The following LYPLAL1 variants were observed in gnomAD, a reference collection of about 807,000 sequenced individuals.
LYPLAL1 encodes lysophospholipase-like protein 1.
Under a neutral mutation model 19.7 loss-of-function variants are expected in LYPLAL1, and 23 were observed. That is an observed-to-expected ratio of 1.17 (90% CI 0.84 to 1.65). The LOEUF (loss-of-function observed/expected upper bound fraction) is 1.65, where lower values mean the gene tolerates loss of function less well. LYPLAL1 is among the 40% of genes most tolerant of loss of function. LYPLAL1 has a pLI of 0.00. For missense variants in LYPLAL1, 355 were observed against 279.4 expected, an observed-to-expected ratio of 1.27 and a Z score of -1.93; for synonymous variants, 119 against 96.3, an observed-to-expected ratio of 1.24 and a Z score of -1.38.
the LYPLAL1 span, among the ~76,000 whole-genome samples, chr1:219,393,416 T>A: frequency 6.6e-6 from 1 of 152,134 alleles, no homozygotes. Flanking sequence ...AGATATGCCC[T>A]GCCCTTCATA....
the LYPLAL1 span, among the ~76,000 whole-genome samples, chr1:219,376,592 A>C: frequency 6.6e-6 from 1 of 152,204 alleles, no homozygotes; most frequent in Non-Finnish European, 1.5e-5. Flanking sequence ...CATAATATGT[A>C]AAGAACCCCT....
chr1:219,241,099 TCTCTC>T, the LYPLAL1 span, among the ~76,000 whole-genome samples: 82 of 56,042 alleles, frequency 1.5e-3, no homozygotes, highest in South Asian at 5.3e-3. Context: ...ATATATATAA[TCTCTC>T]TCTCTCTCTC....
At chr1:219,386,707 T>G in the LYPLAL1 span, among the ~76,000 whole-genome samples, 2 of 152,216 alleles carry the variant, frequency 1.3e-5, no homozygotes, top group Non-Finnish European at 2.9e-5. Flanking sequence ...AGCTTCAAGC[T>G]CAATAGAAAC....
At chr1:219,407,581 GTTTTGT>G in the LYPLAL1 span, among the ~76,000 whole-genome samples, 1 of 152,274 alleles carries the variant, frequency 6.6e-6, no homozygotes, top group Admixed American at 6.5e-5. Context: ...TGAGAGGTAT[GTTTTGT>G]TTTTATTTGT....
chr1:219,313,691 C>A, the LYPLAL1 span, among the ~76,000 whole-genome samples: 2 of 151,958 alleles, frequency 1.3e-5, no homozygotes, highest in Non-Finnish European at 2.9e-5. Context: ...CCCACCACCA[C>A]ACTCAGTTAA....
chr1:219,175,039 G>A, intron 1 of LYPLAL1: 1 of 985,458 alleles, frequency 1.0e-6, no homozygotes, highest in Non-Finnish European at 1.2e-6. Flanking sequence ...AAATGGGACG[G>A]TGATTGGAAG....
chr1:219,307,235 C>G, the LYPLAL1 span, among the ~76,000 whole-genome samples: 3 of 152,126 alleles, frequency 2.0e-5, no homozygotes, highest in Non-Finnish European at 4.4e-5. Flanking sequence ...TCCCGACTGT[C>G]TTGCTTGTGA....
At chr1:219,278,585 T>A in the LYPLAL1 span, among the ~76,000 whole-genome samples, 8 of 152,150 alleles carry the variant, frequency 5.3e-5, no homozygotes, top group African/African-American at 1.9e-4. Flanking sequence ...TCAGTACTCT[T>A]ACCCACTGTA....
At chr1:219,324,043 C>G in the LYPLAL1 span, among the ~76,000 whole-genome samples, 1 of 152,198 alleles carries the variant, frequency 6.6e-6, no homozygotes, top group Non-Finnish European at 1.5e-5. Context: ...GTGCGTTTCT[C>G]TCTGGTACTG....
the LYPLAL1 span, among the ~76,000 whole-genome samples, chr1:219,257,346 C>A: frequency 8.2e-6 from 1 of 122,680 alleles, no homozygotes; most frequent in Admixed American, 1.0e-4. Context: ...TTAAAACATC[C>A]ATACCAGTTT....
chr1:219,200,633 G>C, intron 3 of LYPLAL1: 1 of 205,140 alleles, frequency 4.9e-6, no homozygotes, highest in Non-Finnish European at 1.0e-5. Flanking sequence ...ATCTCTTTTG[G>C]GGGTAGTGTT....
At chr1:219,245,902 G>A in the LYPLAL1 span, among the ~76,000 whole-genome samples, 1 of 152,086 alleles carries the variant, frequency 6.6e-6, no homozygotes, top group African/African-American at 2.4e-5. Flanking sequence ...GACTCGAGTC[G>A]ATAAACAACA....
chr1:219,196,715 A>G (rs913515842), intron 3 of LYPLAL1, among the ~76,000 whole-genome samples: 23 of 152,134 alleles, frequency 1.5e-4, no homozygotes, highest in African/African-American at 4.6e-4. Context: ...AACTGTGTCT[A>G]TTTGCAAATG....
the LYPLAL1 span, among the ~76,000 whole-genome samples, chr1:219,420,675 A>G: frequency 1.3e-5 from 2 of 152,170 alleles, no homozygotes; most frequent in Admixed American, 1.3e-4. Flanking sequence ...TGTCATTTGT[A>G]ATAAAATTGC....
chr1:219,227,074 C>T, the LYPLAL1 span, among the ~76,000 whole-genome samples: 1 of 152,218 alleles, frequency 6.6e-6, no homozygotes, highest in Non-Finnish European at 1.5e-5. Flanking sequence ...AACTTGTTCA[C>T]ACCCCTATGC....
At chr1:219,352,772 GC>G in the LYPLAL1 span, among the ~76,000 whole-genome samples, 1 of 152,060 alleles carries the variant, frequency 6.6e-6, no homozygotes, top group Admixed American at 6.5e-5. Context: ...ATCACCACTA[GC>G]CCAGCTTAGG....
the LYPLAL1 span, among the ~76,000 whole-genome samples, chr1:219,220,840 C>T: frequency 9.2e-5 from 14 of 152,248 alleles, no homozygotes; most frequent in African/African-American, 3.1e-4. Context: ...GTCAAAAATA[C>T]AACAGATTAG....
chr1:219,321,383 C>T, the LYPLAL1 span, among the ~76,000 whole-genome samples: 2 of 152,166 alleles, frequency 1.3e-5, no homozygotes, highest in Non-Finnish European at 1.5e-5. Context: ...TTCTCCCATT[C>T]TGTAGGCTGC....
At chr1:219,235,093 T>C in the LYPLAL1 span, among the ~76,000 whole-genome samples, 1 of 152,206 alleles carries the variant, frequency 6.6e-6, no homozygotes, top group Non-Finnish European at 1.5e-5. Context: ...TAATTCACTT[T>C]GACCAAGATA....
Sources: allele counts gnomAD v4.1 joint callset (sites outside exome capture counted in the v4.1 genomes callset), GRCh38; gene constraint gnomAD v4.1.1; transcripts MANE v1.5; gene names NCBI Gene and HGNC (gene_info 2026-07-23, HGNC 2026-07-21).